Variants in KCNU1 observed in about 807,000 individuals in gnomAD.
KCNU1 encodes the protein potassium channel subfamily U member 1.
In KCNU1, 93 loss-of-function variants were observed where a neutral mutation model predicts 126.8. That is an observed-to-expected ratio of 0.73 (90% confidence interval 0.62 to 0.87). The LOEUF is 0.87. Among genes scored for constraint, KCNU1 ranks in the 40% least tolerant of loss-of-function variants. The pLI is 0.00. For synonymous variants in KCNU1, 523 were observed against 494.2 expected (o/e 1.06, Z -0.77); for missense variants, 1,330 against 1,367.1 (o/e 0.97, Z 0.43).
rs951322300 is a variant in KCNU1 at position 36,839,022 on chromosome 8, T to A, written c.1519-1441T>A. Among the ~76,000 whole-genome samples the A allele has an allele frequency of 2.0e-5, 3 of 152,196 alleles. No homozygotes were observed. In the East Asian group the frequency reaches 5.8e-4, roughly 29 times the overall value. Reference sequence around the variant, plus strand: ...AGTAGGCCCTTACTTTCCCTGACTGTCAATTTCTCTATCTATAAAATTAAA... The same window carrying A: ...AGTAGGCCCTTACTTTCCCTGACTGACAATTTCTCTATCTATAAAATTAAA... On this transcript the variant is annotated intron_variant, in intron 14 of 26. Transcript: ENST00000399881.
intron 2 of KCNU1, among the ~76,000 whole-genome samples, chr8:36,790,330 A>C (rs1351037611): frequency 2.0e-5 from 3 of 152,176 alleles, no homozygotes; most frequent in Non-Finnish European, 2.9e-5. Flanking sequence ...AAATTAGTGA[A>C]CTAAGTATCA....
At chr8:36,930,899 G>A in intron 24 of KCNU1, 52 bp from the exon 25 acceptor site, 1 of 1,366,606 alleles carries the variant, frequency 7.3e-7, no homozygotes, top group East Asian at 2.4e-5. Context: ...CCCCTCCACA[G>A]TTCACATATT....
intron 19 of KCNU1, among the ~76,000 whole-genome samples, chr8:36,873,329 A>G (rs1806170012): frequency 6.6e-6 from 1 of 151,624 alleles, no homozygotes; most frequent in South Asian, 2.1e-4. Context: ...TATTAGACCC[A>G]TGCTTGGCTC....
At chr8:36,897,614 T>G (rs1357264937) in intron 19 of KCNU1, among the ~76,000 whole-genome samples, 2 of 152,000 alleles carry the variant, frequency 1.3e-5, no homozygotes, top group African/African-American at 4.8e-5. Flanking sequence ...TCATTTTCAT[T>G]CACCTTTAAT....
chr8:36,791,330 G>A (rs1484319950), intron 2 of KCNU1, among the ~76,000 whole-genome samples: 5 of 152,058 alleles, frequency 3.3e-5, no homozygotes, highest in African/African-American at 1.2e-4. Flanking sequence ...TTACATAACT[G>A]ACTGTGTTTC....
intron 23 of KCNU1, among the ~76,000 whole-genome samples, chr8:36,921,319 C>T (rs1383829649): frequency 6.6e-6 from 1 of 152,136 alleles, no homozygotes; most frequent in Non-Finnish European, 1.5e-5. Flanking sequence ...AAACCAGAGT[C>T]TTTTAAAACA....
chr8:36,815,964 A>G (rs1803895309), intron 9 of KCNU1, among the ~76,000 whole-genome samples: 1 of 152,252 alleles, frequency 6.6e-6, no homozygotes, highest in Admixed American at 6.5e-5. Context: ...ATTACTGATT[A>G]TGGCACTATT....
intron 7 of KCNU1, among the ~76,000 whole-genome samples, chr8:36,813,451 G>T (rs1329352419): frequency 6.6e-6 from 1 of 151,004 alleles, no homozygotes; most frequent in Non-Finnish European, 1.5e-5. Flanking sequence ...AAAAAACAAA[G>T]AAATAAATAT....
intron 8 of KCNU1, among the ~76,000 whole-genome samples, chr8:36,815,206 C>A: frequency 6.6e-6 from 1 of 152,208 alleles, no homozygotes; most frequent in South Asian, 2.1e-4. Flanking sequence ...TGGCAGGCAC[C>A]TGTAGTCCCA....
At chr8:36,806,235 A>G (rs1438381999) in intron 4 of KCNU1, 34 bp from the exon 5 acceptor site, 3 of 1,403,556 alleles carry the variant, frequency 2.1e-6, no homozygotes, top group Non-Finnish European at 3.0e-6. Context: ...CTTGAGGGTA[A>G]CAGAATTTGT....
At chr8:36,849,979 C>T (rs1034478301) in intron 18 of KCNU1, among the ~76,000 whole-genome samples, 1 of 152,140 alleles carries the variant, frequency 6.6e-6, no homozygotes, top group Non-Finnish European at 1.5e-5. Context: ...TACATTCTCA[C>T]CTACACTTAC....
chr8:36,830,523 T>C (rs1804497293), intron 10 of KCNU1, among the ~76,000 whole-genome samples: 1 of 152,118 alleles, frequency 6.6e-6, no homozygotes, highest in Non-Finnish European at 1.5e-5. Context: ...ATGATTATTT[T>C]GTCTTTTTTA....
At chr8:36,912,446 C>T (rs1563332216) in intron 22 of KCNU1, among the ~76,000 whole-genome samples, 1 of 152,126 alleles carries the variant, frequency 6.6e-6, no homozygotes, top group Non-Finnish European at 1.5e-5. Context: ...TAACAAGGCA[C>T]TTCATGAATA....
At chr8:36,856,256 A>C (rs1213130184) in intron 18 of KCNU1, among the ~76,000 whole-genome samples, 1 of 152,114 alleles carries the variant, frequency 6.6e-6, no homozygotes, top group African/African-American at 2.4e-5. Context: ...GCTAACTCTG[A>C]CATGGACTCT....
intron 16 of KCNU1, among the ~76,000 whole-genome samples, chr8:36,844,103 G>A (rs906238961): frequency 6.6e-6 from 1 of 152,182 alleles, no homozygotes; most frequent in Non-Finnish European, 1.5e-5. Flanking sequence ...GAGCGGCCAG[G>A]CGCAGTGGCT....
chr8:36,887,424 CAT>C (rs1325529773), intron 19 of KCNU1, among the ~76,000 whole-genome samples: 8 of 142,428 alleles, frequency 5.6e-5, no homozygotes, highest in East Asian at 2.1e-4. Context: ...CATTTTTTCA[CAT>C]GTTTATTGGC....
chr8:36,922,103 T>C (rs1808370389), intron 23 of KCNU1, among the ~76,000 whole-genome samples: 1 of 152,206 alleles, frequency 6.6e-6, no homozygotes, highest in Non-Finnish European at 1.5e-5. Flanking sequence ...AGACTTTAAC[T>C]GGGGTGACCA....
At position 36,784,443 on chromosome 8, in the gene KCNU1, G is replaced by A. The variant is rs1171999583; in HGVS notation, c.33G>A (p.Trp11Ter). Residue 11 changes from tryptophan to a stop codon, truncating the protein, a stop_gained, in exon 1 of 27, where the codon TGG becomes TGA. Coordinates refer to ENST00000399881, the MANE Select transcript of KCNU1 (RefSeq NM_001031836.3). LOFTEE classifies it high-confidence loss of function. ...AGACTAAGCTACGAAATGAAACTTGGGAAGACTTGCCAAAAATGTCCTGCA... is the reference window on the plus strand; with the variant it reads ...AGACTAAGCTACGAAATGAAACTTGAGAAGACTTGCCAAAAATGTCCTGCA... The part of the protein sequence containing the change: MFQTKLRNET[W>*]EDLPKMSCTT... 1 of 1,613,212 alleles carries A rather than the reference G, an allele frequency of 6.2e-7. No individual in the cohort carries two copies. The highest frequency in any genetic ancestry group is 1.7e-5 in the Admixed American group (1 of 59,928).
chr8:36,856,735 C>T (rs1043817474), intron 18 of KCNU1, among the ~76,000 whole-genome samples: 25 of 152,148 alleles, frequency 1.6e-4, no homozygotes, highest in Middle Eastern at 3.2e-3. Context: ...CACAGTATTA[C>T]GCAATTAAAT....
Sources: gnomAD v4.1 joint callset for allele counts (sites outside exome capture counted in the v4.1 genomes callset) on GRCh38, gnomAD v4.1.1 for gene constraint, MANE v1.5 for transcripts, NCBI Gene and HGNC (gene_info 2026-07-23, HGNC 2026-07-21) for gene names.